Variants in SMYD2 observed in about 807,000 individuals in gnomAD.
SMYD2 encodes the protein SET and MYND domain containing 2.
Under a neutral mutation model 59.1 loss-of-function variants are expected in SMYD2, and 53 were observed. That is an observed-to-expected ratio of 0.90 (90% CI 0.72 to 1.13). The LOEUF (loss-of-function observed/expected upper bound fraction) is 1.13. Ranked by LOEUF, SMYD2 falls within the 50% of genes most tolerant of loss-of-function variation. The pLI is 0.00. For synonymous variants in SMYD2, 208 were observed against 198.8 expected (o/e 1.05, Z -0.39); for missense variants, 494 against 544.7 (o/e 0.91, Z 0.93).
intron 2 of SMYD2, among the ~76,000 whole-genome samples, chr1:214,305,588 C>T (rs950642146): frequency 1.3e-5 from 2 of 152,138 alleles, no homozygotes; most frequent in African/African-American, 2.4e-5. Context: ...AAGTTTTTAA[C>T]GTTTTTATTG....
At chr1:214,293,812 G>A (rs1368129642) in intron 1 of SMYD2, among the ~76,000 whole-genome samples, 1 of 152,056 alleles carries the variant, frequency 6.6e-6, no homozygotes, top group Non-Finnish European at 1.5e-5. Flanking sequence ...GAGTAGCTAG[G>A]ATTACAGGCA....
intron 5 of SMYD2, among the ~76,000 whole-genome samples, chr1:214,323,493 G>A (rs545242532): frequency 5.7e-4 from 87 of 151,970 alleles, no homozygotes; most frequent in Non-Finnish European, 1.1e-3. Flanking sequence ...GTGCAGTGGT[G>A]TAATCTCGGC....
At chr1:214,309,321 T>C (rs1245471328) in intron 2 of SMYD2, among the ~76,000 whole-genome samples, 1 of 151,948 alleles carries the variant, frequency 6.6e-6, no homozygotes, top group East Asian at 1.9e-4. Flanking sequence ...ATGAACTGTA[T>C]TTATTTTTCT....
At chr1:214,328,128 A>AT (rs925313781) in intron 7 of SMYD2, among the ~76,000 whole-genome samples, 13 of 151,786 alleles carry the variant, frequency 8.6e-5, no homozygotes, top group African/African-American at 2.2e-4. Flanking sequence ...ATTTTATTTT[A>AT]TTTTTTTTGG....
At chr1:214,284,254 G>GTTT (rs34049644) in intron 1 of SMYD2, among the ~76,000 whole-genome samples, 21,683 of 89,686 alleles carry the variant, frequency 0.24, 3,127 homozygotes, top group Non-Finnish European at 0.27. Flanking sequence ...TTTTGGTGTG[G>GTTT]TTTTTTTTTT....
intron 1 of SMYD2, among the ~76,000 whole-genome samples, chr1:214,292,191 C>T (rs956266644): frequency 1.3e-5 from 2 of 151,802 alleles, no homozygotes; most frequent in African/African-American, 4.8e-5. Flanking sequence ...ATGGTAGAGT[C>T]GGGGCTTCCT....
chr1:214,331,964 G>C, intron 9 of SMYD2, 54 bp from the exon 10 acceptor site: 1 of 1,558,076 alleles, frequency 6.4e-7, no homozygotes, highest in Admixed American at 1.9e-5. Flanking sequence ...ACCCAGCCTG[G>C]GGAAGCCTCC....
At chr1:214,307,957 C>G (rs1214435746) in intron 2 of SMYD2, among the ~76,000 whole-genome samples, 2 of 152,230 alleles carry the variant, frequency 1.3e-5, no homozygotes, top group Non-Finnish European at 2.9e-5. Flanking sequence ...GACACAATTA[C>G]TTGGGGAGCA....
chr1:214,306,916 A>G (rs1367528121), intron 2 of SMYD2, among the ~76,000 whole-genome samples: 2 of 152,180 alleles, frequency 1.3e-5, no homozygotes, highest in African/African-American at 4.8e-5. Context: ...CATGCCTGTA[A>G]TCCCAGTACT....
In SMYD2 at chr1:214,318,820, C is replaced by G. The variant is rs775706609; in HGVS notation, c.410-39C>G. 7 of 1,603,328 alleles carry G rather than the reference C, an allele frequency of 4.4e-6. No homozygotes were observed. The highest frequency in any genetic ancestry group is 2.2e-5 in the East Asian group (1 of 44,598). Reference sequence around the variant, plus strand: ...AAATAGGATGTAGCTAGAAATCCCACGCTTTCTACTGGGTGAATAATGGAT... The same window carrying G: ...AAATAGGATGTAGCTAGAAATCCCAGGCTTTCTACTGGGTGAATAATGGAT... On this transcript the variant is annotated intron_variant, in intron 4 of 11. Coordinates refer to ENST00000366957, the MANE Select transcript of SMYD2 (RefSeq NM_020197.3). This position sits in a 1 kb window ranked among gnomAD's most constrained non-coding sequence, Gnocchi z 5.4.
At position 214,300,700 on chromosome 1, in the gene SMYD2, C is replaced by T. The variant is rs531788184; in HGVS notation, c.174-4487C>T. Reference sequence around the variant, plus strand: ...TCACAGCACTCAAGGAAGGATGCTTCGGCGTGATGGAAACAAAATGTGTGA... The same window carrying T: ...TCACAGCACTCAAGGAAGGATGCTTTGGCGTGATGGAAACAAAATGTGTGA... On this transcript the variant is annotated intron_variant, in intron 1 of 11. Coordinates refer to ENST00000366957, the MANE Select transcript of SMYD2 (RefSeq NM_020197.3). Among the ~76,000 whole-genome samples, 161 of 152,300 alleles carry T rather than the reference C, an allele frequency of 1.1e-3. 5 individuals carry two copies. In the South Asian group the frequency reaches 0.028, roughly 26 times the overall value.
rs1377256983 is a variant in SMYD2, at chr1:214,281,235, G to A, written c.-20G>A. ...GAGCCGCAGCTCGGGCACAGCCGGC[G>A]GCCGCGCCCCGCCGCCACCATGAGG... is the stretch of plus-strand genomic sequence containing the variant. On this transcript the variant is annotated 5_prime_UTR_variant, in exon 1 of 12. Coordinates refer to ENST00000366957, the MANE Select transcript of SMYD2 (RefSeq NM_020197.3). 1.6e-6 allele frequency: 2 copies of A among 1,229,898 alleles called. No individual in the cohort carries two copies. Among genetic ancestry groups the A allele is most frequent in the Non-Finnish European group, 2.0e-6 (2 of 980,994 alleles). 76.2% of individuals were successfully genotyped at this position (1,229,898 alleles called of 1,614,324 possible).
At chr1:214,302,023 T>C (rs1465719481) in intron 1 of SMYD2, among the ~76,000 whole-genome samples, 1 of 152,180 alleles carries the variant, frequency 6.6e-6, no homozygotes, top group African/African-American at 2.4e-5. Flanking sequence ...TTTCACCCTC[T>C]TACTGCCAGT....
In SMYD2 at chr1:214,318,850, T is replaced by C. The variant is rs769018759; in HGVS notation, c.410-9T>C. On this transcript the variant is annotated splice_polypyrimidine_tract_variant and intron_variant, in intron 4 of 11. Coordinates refer to ENST00000366957, the MANE Select transcript of SMYD2 (RefSeq NM_020197.3). The surrounding 1 kb of genome is among the most constrained non-coding windows in gnomAD (Gnocchi z 5.4). The stretch of plus-strand genomic sequence containing the variant: ...TCTACTGGGTGAATAATGGATTATT[T>C]ATCCACAGATCTGGATAAGTTAGAC... 1 of 1,613,692 alleles carries C rather than the reference T, an allele frequency of 6.2e-7. No individual in the cohort carries two copies. The highest frequency in any genetic ancestry group is 8.5e-7 in the Non-Finnish European group (1 of 1,179,924).
intron 7 of SMYD2, 126 bp from the exon 8 acceptor site, chr1:214,330,042 G>T (rs1478774821): frequency 5.4e-6 from 3 of 553,832 alleles, no homozygotes; most frequent in Non-Finnish European, 9.4e-6. Flanking sequence ...AGTAAACAGC[G>T]CATTCCTCCG....
intron 1 of SMYD2, among the ~76,000 whole-genome samples, chr1:214,298,323 A>G (rs1194092831): frequency 6.6e-6 from 1 of 152,078 alleles, no homozygotes; most frequent in African/African-American, 2.4e-5. Context: ...CTATTCAATA[A>G]ATGGTGCTGG....
chr1:214,294,096 C>T (rs1273952155), intron 1 of SMYD2, among the ~76,000 whole-genome samples: 1 of 152,060 alleles, frequency 6.6e-6, no homozygotes, highest in Non-Finnish European at 1.5e-5. Context: ...ATTAACATGT[C>T]TTCTTACTGC....
rs5780769 is a variant in SMYD2 at position 214,286,749 on chromosome 1, C to CAAAA, written c.173+5339_173+5342dup. Among the ~76,000 whole-genome samples, 81 of 71,904 alleles carry CAAAA rather than the reference C, an allele frequency of 1.1e-3. 1 individual carries two copies. The highest frequency in any genetic ancestry group is 1.3e-3 in the Non-Finnish European group (53 of 39,372). 47.2% of individuals were successfully genotyped at this position (71,904 alleles called of 152,430 possible). The stretch of plus-strand genomic sequence containing the variant: ...CGCCACTGCACTCTAGCCTCCATCT[C>CAAAA]AAAAAAAAAAAAAAAAAAAAGCGTA... On this transcript the variant is annotated intron_variant, in intron 1 of 11. Coordinates refer to ENST00000366957, the MANE Select transcript of SMYD2 (RefSeq NM_020197.3).
At chr1:214,305,904 T>C (rs536226509) in intron 2 of SMYD2, among the ~76,000 whole-genome samples, 4 of 152,338 alleles carry the variant, frequency 2.6e-5, no homozygotes, top group Admixed American at 2.0e-4. Flanking sequence ...ACTGTTATAG[T>C]AAACACTTGT....
Sources: allele counts gnomAD v4.1 joint callset (sites outside exome capture counted in the v4.1 genomes callset), GRCh38; gene constraint gnomAD v4.1.1; non-coding constraint Gnocchi (gnomAD v3.1); transcripts MANE v1.5; gene names NCBI Gene and HGNC (gene_info 2026-07-23, HGNC 2026-07-21).